Variants in RPS6KA3 observed in about 807,000 individuals in gnomAD.
RPS6KA3 encodes ribosomal protein S6 kinase alpha-3.
RPS6KA3 carries 4 observed loss-of-function variants against 67.2 expected under a neutral mutation model. The observed-to-expected ratio is 0.06, with a 90% CI of 0.03 to 0.14. The LOEUF is 0.14. Ranked by LOEUF, RPS6KA3 falls within the 10% of genes least tolerant of loss-of-function variation. RPS6KA3 has a pLI of 1.00. For synonymous variants in RPS6KA3, 182 were observed against 183.7 expected (o/e 0.99, Z 0.07); for missense variants, 204 against 559.0 (o/e 0.36, Z 6.40).
At chrX:20,201,417 G>C (rs774429742) in intron 4 of RPS6KA3, among the ~76,000 whole-genome samples, 3 of 111,522 alleles carry the variant, frequency 2.7e-5, no homozygotes, top group Non-Finnish European at 5.7e-5. Flanking sequence ...AGGATTACAA[G>C]TGCGAGCCAC....
At chrX:20,258,189 A>C (rs1275509697) in intron 1 of RPS6KA3, among the ~76,000 whole-genome samples, 1 of 112,056 alleles carries the variant, frequency 8.9e-6, no homozygotes, top group Non-Finnish European at 1.9e-5. Flanking sequence ...TGACTATTAG[A>C]TAAAATTTAA....
Position 20,176,370 on chromosome X carries a change from A to C in RPS6KA3, c.1000-18T>G, listed in dbSNP as rs373147884. On this transcript the variant is annotated intron_variant, in intron 12 of 21. Transcript: ENST00000379565. ...TACAGTTTCTGGAGGGGAAAAAAAAAAGAGACTTAGACATATTTTAATTAT... is the reference window on the plus strand; with the variant it reads ...TACAGTTTCTGGAGGGGAAAAAAAACAGAGACTTAGACATATTTTAATTAT... 1.1e-5 allele frequency: 13 copies of C among 1,132,633 alleles called. No homozygotes were observed. Among genetic ancestry groups the C allele is most frequent in the Non-Finnish European group, 1.6e-5 (13 of 826,972 alleles). 93.3% of individuals were successfully genotyped at this position (1,132,633 alleles called of 1,213,427 possible). A position where few individuals can be genotyped will look rare whatever the true frequency, so the allele number is the denominator to read the frequency against.
At chrX:20,162,300 C>A (rs1428265743) in intron 19 of RPS6KA3, among the ~76,000 whole-genome samples, 1 of 102,071 alleles carries the variant, frequency 9.8e-6, no homozygotes, top group African/African-American at 3.6e-5. Context: ...CGTGCTACTG[C>A]ACTCCAGTCT....
chrX:20,254,600 C>CT (rs1271887866), intron 1 of RPS6KA3, among the ~76,000 whole-genome samples: 7 of 112,042 alleles, frequency 6.2e-5, no homozygotes, highest in African/African-American at 2.3e-4. Flanking sequence ...CGTATTGAAA[C>CT]TAAGTTTTCT....
Position 20,243,329 on chromosome X carries a change from T to C in RPS6KA3, c.70-8515A>G, listed in dbSNP as rs754457019. Among the ~76,000 whole-genome samples the C allele has an allele frequency of 1.2e-4, 14 of 112,026 alleles. No individual in the cohort carries two copies. The South Asian group carries it at 5.2e-3, about 42-fold the overall frequency. ...AAGCCAAGATAGGTATGTCAAACTT[T>C]CTAAGCACTGGATCCCCAGTCCCCT... is the stretch of plus-strand genomic sequence containing the variant. On this transcript the variant is annotated intron_variant, in intron 1 of 21. Transcript: ENST00000379565.
chrX:20,206,949 T>C (rs767124712), intron 3 of RPS6KA3, among the ~76,000 whole-genome samples: 89 of 112,118 alleles, frequency 7.9e-4, no homozygotes, highest in Non-Finnish European at 7.9e-4. Flanking sequence ...GTATGTAAAC[T>C]GATGCTGGAG....
At chrX:20,228,727 C>T (rs181995133) in intron 2 of RPS6KA3, among the ~76,000 whole-genome samples, 1 of 111,380 alleles carries the variant, frequency 9.0e-6, no homozygotes, top group African/African-American at 3.3e-5. Flanking sequence ...GACTTGCTCA[C>T]CATTAGGATA....
intron 2 of RPS6KA3, among the ~76,000 whole-genome samples, chrX:20,228,566 T>A (rs111829478): frequency 3.6e-5 from 4 of 111,030 alleles, no homozygotes; most frequent in African/African-American, 1.3e-4. Context: ...CTGTGAAATA[T>A]CTTCTGTCTC....
intron 2 of RPS6KA3, among the ~76,000 whole-genome samples, chrX:20,231,050 T>C (rs1375603263): frequency 9.0e-6 from 1 of 110,745 alleles, no homozygotes; most frequent in Non-Finnish European, 1.9e-5. Context: ...GCCTCAAACT[T>C]CTGGGTTCAA....
intron 1 of RPS6KA3, 141 bp from the exon 2 acceptor site, chrX:20,234,955 G>A (rs1400424364): frequency 2.2e-6 from 1 of 461,058 alleles, no homozygotes; most frequent in African/African-American, 2.5e-5. Flanking sequence ...CACCATATGA[G>A]TATGCAGTTG....
At chrX:20,237,363 C>T (rs778063193) in intron 1 of RPS6KA3, among the ~76,000 whole-genome samples, 4 of 111,684 alleles carry the variant, frequency 3.6e-5, no homozygotes, top group Non-Finnish European at 7.6e-5. Context: ...TTGAGCTACA[C>T]GTACGTTTTT....
intron 1 of RPS6KA3, among the ~76,000 whole-genome samples, chrX:20,235,751 C>T (rs2069393162): frequency 1.8e-5 from 2 of 111,085 alleles, no homozygotes; most frequent in African/African-American, 6.6e-5. Context: ...GAAGGCAATC[C>T]GAGTCCATAT....
chrX:20,179,022 T>C (rs763468740), intron 10 of RPS6KA3, among the ~76,000 whole-genome samples: 1 of 110,740 alleles, frequency 9.0e-6, no homozygotes, highest in South Asian at 3.8e-4. Context: ...TGTGGTCAGA[T>C]AGTATGGGTA....
intron 9 of RPS6KA3, 65 bp from the exon 10 acceptor site, chrX:20,186,431 A>ACT: frequency 8.9e-6 from 1 of 112,425 alleles, no homozygotes; most frequent in Non-Finnish European, 1.7e-5. Context: ...GCCAGAAGGT[A>ACT]AAAAAAAAAA....
chrX:20,187,264 G>T (rs1274499583), intron 9 of RPS6KA3, among the ~76,000 whole-genome samples: 2 of 110,478 alleles, frequency 1.8e-5, no homozygotes, highest in Non-Finnish European at 3.8e-5. Flanking sequence ...TGTTGCCCAG[G>T]CTGGAGTGCA....
rs1396983592 is a variant in RPS6KA3, at chrX:20,162,984, T to G, written c.1821A>C (p.Leu607=). 8.4e-7 allele frequency: 1 copy of G among 1,186,696 alleles called. No individual in the cohort carries two copies. The highest frequency in any genetic ancestry group is 1.1e-6 in the Non-Finnish European group (1 of 874,120). ...CTCACCCGGTAAGCATTGTATAGAG[T>G]AGGACACCAAGACTCCATATATCAC... The part of the protein sequence containing the change: ...AACDIWSLGV[L]LYTMLTGYTP... Residue 607 remains leucine (L), a synonymous_variant, in exon 19 of 22, where the codon CTA becomes CTC. Coordinates refer to ENST00000379565, the MANE Select transcript of RPS6KA3 (RefSeq NM_004586.3).
At chrX:20,241,436 A>AG (rs1569264522) in intron 1 of RPS6KA3, among the ~76,000 whole-genome samples, 1 of 110,041 alleles carries the variant, frequency 9.1e-6, no homozygotes. Flanking sequence ...AATGAAAAAA[A>AG]AAAGAAAGAA....
chrX:20,265,404 A>G (rs1186236668), intron 1 of RPS6KA3: 1 of 112,265 alleles, frequency 8.9e-6, no homozygotes, highest in African/African-American at 3.3e-5. Flanking sequence ...GGAGGCCGGC[A>G]GGGCAGCGGC....
intron 1 of RPS6KA3, among the ~76,000 whole-genome samples, chrX:20,258,289 T>A (rs1376817605): frequency 8.9e-6 from 1 of 111,808 alleles, no homozygotes; most frequent in South Asian, 3.7e-4. Context: ...ATCCAGAAAT[T>A]TTTTGTGATT....
Sources: allele counts gnomAD v4.1 joint callset (sites outside exome capture counted in the v4.1 genomes callset), GRCh38; gene constraint gnomAD v4.1.1; transcripts MANE v1.5; gene names NCBI Gene and HGNC (gene_info 2026-07-23, HGNC 2026-07-21).